COX6C: variants seen among roughly 807,000 people sequenced by gnomAD.
The protein encoded by COX6C is cytochrome c oxidase polypeptide VIc.
In COX6C, 3 loss-of-function variants were observed where a neutral mutation model predicts 6.9. The observed-to-expected ratio is 0.43, with a 90% CI of 0.20 to 1.12. The LOEUF (loss-of-function observed/expected upper bound fraction) is 1.12. Among genes scored for constraint, COX6C ranks in the 50% most tolerant of loss-of-function variants. COX6C has a pLI of 0.27. For missense variants in COX6C, 101 were observed against 97.3 expected, an observed-to-expected ratio of 1.04 and a Z score of -0.16; for synonymous variants, 32 against 32.0, an observed-to-expected ratio of 1.00 and a Z score of 0.00.
intron 3 of COX6C, among the ~76,000 whole-genome samples, chr8:99,883,361 GT>G (rs1403091505): frequency 2.6e-5 from 4 of 151,524 alleles, no homozygotes; most frequent in Non-Finnish European, 4.4e-5. Flanking sequence ...CTACAGGCAT[GT>G]ACCACCACAC....
chr8:99,886,608 C>T lies in COX6C; in HGVS notation c.*15+882G>A, dbSNP rs187078283. Among the ~76,000 whole-genome samples, 452 of 152,260 alleles carry T rather than the reference C, an allele frequency of 3.0e-3. 1 individual carries two copies. The highest frequency in any genetic ancestry group is 5.0e-3 in the Non-Finnish European group (338 of 68,018). On this transcript the variant is annotated intron_variant, in intron 3 of 3. Transcript: ENST00000520468. ...ACAACAATCAAAAAGTGGAAGCAAC[C>T]CAAGCATCTACTGATGGATGAATGG...
rs376917203 is a variant in COX6C, at chr8:99,878,285, G to C, written c.*16-20C>G. ...GAAATTCTGTGAAGAGAAACACAAA[G>C]GCTAAGTTAGAGATAAACACTCTCT... On this transcript the variant is annotated intron_variant, in intron 3 of 3. Transcript: ENST00000520468. 2 of 152,094 alleles carry C rather than the reference G, an allele frequency of 1.3e-5. No homozygotes were observed. Among genetic ancestry groups the C allele is most frequent in the East Asian group, 1.9e-4 (1 of 5,188 alleles). 9.4% of individuals were successfully genotyped at this position (152,094 alleles called of 1,614,324 possible). A position where few individuals can be genotyped will look rare whatever the true frequency, so the allele number is the denominator to read the frequency against.
chr8:99,885,043 C>T (rs1239588780), intron 3 of COX6C, among the ~76,000 whole-genome samples: 4 of 152,164 alleles, frequency 2.6e-5, no homozygotes, highest in Non-Finnish European at 2.9e-5. Context: ...GAGCACCCTC[C>T]GGGTGGGGTG....
chr8:99,882,028 C>A (rs1157672757), intron 3 of COX6C, among the ~76,000 whole-genome samples: 1 of 152,078 alleles, frequency 6.6e-6, no homozygotes, highest in Non-Finnish European at 1.5e-5. Context: ...GATTAATTCA[C>A]CAATAAGATC....
intron 1 of COX6C, chr8:99,893,160 GT>G (rs941556785): frequency 2.0e-5 from 3 of 152,232 alleles, no homozygotes; most frequent in African/African-American, 7.2e-5. Flanking sequence ...CCCTCCTCCA[GT>G]TTTCCAGCTC....
At chr8:99,884,070 T>C (rs1588827168) in intron 3 of COX6C, among the ~76,000 whole-genome samples, 1 of 152,318 alleles carries the variant, frequency 6.6e-6, no homozygotes, top group East Asian at 1.9e-4. Context: ...TTTCCTCTAA[T>C]ACCTAGAACC....
At chr8:99,883,168 G>A (rs1002067141) in intron 3 of COX6C, among the ~76,000 whole-genome samples, 1 of 152,062 alleles carries the variant, frequency 6.6e-6, no homozygotes, top group African/African-American at 2.4e-5. Context: ...TTTTTAATCA[G>A]TAGCCAAAAA....
intron 2 of COX6C, among the ~76,000 whole-genome samples, chr8:99,891,150 C>G (rs964077995): frequency 3.9e-4 from 59 of 152,360 alleles, no homozygotes; most frequent in African/African-American, 1.4e-3. Context: ...AGTCCTAACT[C>G]TCAGTACCTC....
chr8:99,892,957 C>G (rs554505367), intron 1 of COX6C: 1 of 152,208 alleles, frequency 6.6e-6, no homozygotes, highest in African/African-American at 2.4e-5. Flanking sequence ...TGGACGGGAA[C>G]GCGGCAAATA....
rs1817778282 is a variant in COX6C at position 99,878,068 on chromosome 8, C to T, written c.*213G>A. 6.6e-6 allele frequency: 1 copy of T among 152,182 alleles called. No homozygotes were observed. 9.4% of individuals were successfully genotyped at this position (152,182 alleles called of 1,614,324 possible). ...ACGGAAATCAAGTTAGCTTCATAAACAGTTAAATCCCAAACCAATTCTTAT... is the reference window on the plus strand; with the variant it reads ...ACGGAAATCAAGTTAGCTTCATAAATAGTTAAATCCCAAACCAATTCTTAT... On this transcript the variant is annotated 3_prime_UTR_variant, in exon 4 of 4. Coordinates refer to ENST00000520468, the MANE Select transcript of COX6C (RefSeq NM_004374.4).
At chr8:99,884,977 G>C (rs567342214) in intron 3 of COX6C, among the ~76,000 whole-genome samples, 1 of 152,178 alleles carries the variant, frequency 6.6e-6, no homozygotes, top group Non-Finnish European at 1.5e-5. Flanking sequence ...CATTTTTACA[G>C]AAATAGAAAA....
intron 3 of COX6C, among the ~76,000 whole-genome samples, chr8:99,880,538 G>A (rs372621730): frequency 6.6e-6 from 1 of 152,058 alleles, no homozygotes; most frequent in African/African-American, 2.4e-5. Flanking sequence ...TCAGGCAGAG[G>A]AAAGAATCAG....
At chr8:99,888,146 A>T (rs1817972879) in intron 2 of COX6C, among the ~76,000 whole-genome samples, 2 of 151,870 alleles carry the variant, frequency 1.3e-5, no homozygotes. Context: ...AAAATAAAAA[A>T]GATGGGGTCT....
At chr8:99,885,333 G>A (rs1489477450) in intron 3 of COX6C, among the ~76,000 whole-genome samples, 3 of 152,024 alleles carry the variant, frequency 2.0e-5, no homozygotes, top group Non-Finnish European at 4.4e-5. Flanking sequence ...AGGTATGTAC[G>A]TACACGAAAA....
chr8:99,885,630 C>T (rs1817933781), intron 3 of COX6C, among the ~76,000 whole-genome samples: 1 of 152,144 alleles, frequency 6.6e-6, no homozygotes, highest in African/African-American at 2.4e-5. Flanking sequence ...TCTTTACACC[C>T]TACACAAAAA....
At chr8:99,891,662 A>G (rs12544943) in intron 2 of COX6C, among the ~76,000 whole-genome samples, 19,452 of 152,144 alleles carry the variant, frequency 0.13, 1,288 homozygotes, top group Non-Finnish European at 0.14. Context: ...CCCTGCCAAC[A>G]GATTTCTAGC....
intron 3 of COX6C, among the ~76,000 whole-genome samples, chr8:99,882,961 T>C (rs575879770): frequency 1.5e-4 from 22 of 149,740 alleles, no homozygotes; most frequent in Admixed American, 2.0e-4. Context: ...ATTTTTTGTA[T>C]TTTTTTTGTA....
At chr8:99,890,872 T>C (rs1398563851) in intron 2 of COX6C, among the ~76,000 whole-genome samples, 1 of 152,238 alleles carries the variant, frequency 6.6e-6, no homozygotes, top group Non-Finnish European at 1.5e-5. Context: ...AACAGAACTA[T>C]AATCGGCCCA....
chr8:99,889,815 G>T (rs1161712092), intron 2 of COX6C, among the ~76,000 whole-genome samples: 1 of 151,974 alleles, frequency 6.6e-6, no homozygotes, highest in East Asian at 2.0e-4. Context: ...ATGCGACCGG[G>T]TGCGGTGGCT....
Sources: allele counts gnomAD v4.1 joint callset (sites outside exome capture counted in the v4.1 genomes callset), GRCh38; gene constraint gnomAD v4.1.1; transcripts MANE v1.5; gene names NCBI Gene and HGNC (gene_info 2026-07-23, HGNC 2026-07-21).